Variants in ZNF735 observed in about 807,000 individuals in gnomAD.
ZNF735 encodes zinc finger protein 735.
A neutral mutation model predicts 13.4 loss-of-function variants in ZNF735; 11 were observed. The ratio of observed to expected loss-of-function variants is 0.82; its 90% CI spans 0.52 to 1.36. The LOEUF is 1.36. Ranked by LOEUF, ZNF735 falls within the 40% of genes most tolerant of loss-of-function variation. ZNF735 has a pLI of 0.00. For synonymous variants in ZNF735, 171 were observed against 162.6 expected (o/e 1.05, Z -0.39); for missense variants, 500 against 484.6 (o/e 1.03, Z -0.30).
intron 1 of ZNF735, among the ~76,000 whole-genome samples, chr7:64,211,890 AATAT>A (rs34863437): frequency 0.017 from 1,620 of 96,524 alleles, 12 homozygotes; most frequent in Non-Finnish European, 0.027. Flanking sequence ...AAAGAAAAAA[AATAT>A]ATATATATAT....
chr7:64,216,022 G>A (rs965231255), intron 3 of ZNF735, among the ~76,000 whole-genome samples: 6 of 152,090 alleles, frequency 3.9e-5, no homozygotes, highest in African/African-American at 1.2e-4. Flanking sequence ...TAGGTCAAGC[G>A]TGGTGGCTCA....
chr7:64,209,968 A>G (rs559136970), intron 1 of ZNF735, among the ~76,000 whole-genome samples: 2 of 152,078 alleles, frequency 1.3e-5, no homozygotes, highest in Non-Finnish European at 2.9e-5. Context: ...ATCATTTTGT[A>G]TGTTTTTTGT....
chr7:64,215,644 A>T (rs1189648177), intron 3 of ZNF735, among the ~76,000 whole-genome samples: 1 of 144,044 alleles, frequency 6.9e-6, no homozygotes, highest in African/African-American at 2.6e-5. Context: ...TTTTTTTCTA[A>T]GAGTTTCATT....
intron 1 of ZNF735, among the ~76,000 whole-genome samples, chr7:64,210,371 A>G (rs1289951926): frequency 5.3e-5 from 8 of 152,162 alleles, no homozygotes; most frequent in Non-Finnish European, 8.8e-5. Flanking sequence ...GGTGGGTGTA[A>G]GGGACTCTTT....
Position 64,214,510 on chromosome 7 carries a change from T to G in ZNF735, c.262+402T>G, listed in dbSNP as rs528924604. Among the ~76,000 whole-genome samples the G allele has an allele frequency of 6.6e-4, 100 of 152,310 alleles. 1 individual carries two copies. The highest frequency in any genetic ancestry group is 1.2e-3 in the Non-Finnish European group (80 of 68,026). On this transcript the variant is annotated intron_variant, in intron 3 of 3. Coordinates refer to ENST00000429565, the Ensembl canonical transcript of ZNF735. Reference sequence around the variant, plus strand: ...GCATCATGTCTAAAATGTGTGAGAATAGTAATTTCTGTTTCATTGGTGGTT... The same window carrying G: ...GCATCATGTCTAAAATGTGTGAGAAGAGTAATTTCTGTTTCATTGGTGGTT...
In ZNF735 at chr7:64,219,236, A is replaced by G. The variant is rs141241627; in HGVS notation, c.263-78A>G. ...CCATTTTGCTAATGTACCTTGAACA[A>G]TTTTATATATTTGATTTGTACAGTA... is the stretch of plus-strand genomic sequence containing the variant. On this transcript the variant is annotated intron_variant, in intron 3 of 3. Transcript: ENST00000429565. 395 of 1,523,056 alleles carry G rather than the reference A, an allele frequency of 2.6e-4. 2 individuals are homozygous for G. The African/African-American group carries it at 4.6e-3, about 18-fold the overall frequency. 94.3% of individuals were successfully genotyped at this position (1,523,056 alleles called of 1,614,324 possible).
At chr7:64,213,448 A>T (rs565898104) in intron 2 of ZNF735, among the ~76,000 whole-genome samples, 1 of 152,294 alleles carries the variant, frequency 6.6e-6, no homozygotes, top group South Asian at 2.1e-4. Flanking sequence ...AATTCCAAAA[A>T]TGTCATGGCA....
Position 64,213,077 on chromosome 7 carries a change from CTTT to C in ZNF735, c.40-6_40-4del. 2 of 1,204,052 alleles carry C rather than the reference CTTT, an allele frequency of 1.7e-6. No homozygotes were observed. The highest frequency in any genetic ancestry group is 2.3e-6 in the Non-Finnish European group (2 of 871,122). The allele number at this position is 1,204,052 out of a possible 1,614,324, so 74.6% of individuals were successfully genotyped here. A position where few individuals can be genotyped will look rare whatever the true frequency, so the allele number is the denominator to read the frequency against. ...GTAAGTGTGTGTTCATGAGGTTTTT[CTTT>C]TTTTTTTTCAGGGACTGTTGACATT... is the stretch of plus-strand genomic sequence containing the variant. On this transcript the variant is annotated splice_polypyrimidine_tract_variant and intron_variant, in intron 1 of 3. Transcript: ENST00000429565.
At chr7:64,213,958 C>CA (rs1787389824) in intron 2 of ZNF735, 55 bp from the exon 3 acceptor site, 1 of 1,449,652 alleles carries the variant, frequency 6.9e-7, no homozygotes, top group Non-Finnish European at 9.2e-7. Context: ...GACTCCATCT[C>CA]AAAAAATAAA....
chr7:64,215,271 T>C (rs1301766690), intron 3 of ZNF735, among the ~76,000 whole-genome samples: 2 of 152,100 alleles, frequency 1.3e-5, no homozygotes, highest in Non-Finnish European at 2.9e-5. Flanking sequence ...TTGGTCAGAC[T>C]GGTCTCGAAT....
intron 3 of ZNF735, among the ~76,000 whole-genome samples, chr7:64,217,216 C>G (rs1787432889): frequency 6.6e-6 from 1 of 152,180 alleles, no homozygotes; most frequent in Non-Finnish European, 1.5e-5. Context: ...CCTGGCTCCT[C>G]CACCTCACAC....
chr7:64,207,346 C>CT, intron 1 of ZNF735, 105 bp downstream of exon 1: 5 of 1,605,760 alleles, frequency 3.1e-6, no homozygotes, highest in Non-Finnish European at 4.3e-6. Flanking sequence ...GCTCCGGAGT[C>CT]TGAGGACCCA....
chr7:64,220,030 T>C (rs757069585), exon 4 of ZNF735: 1 of 1,612,840 alleles, frequency 6.2e-7, no homozygotes, highest in Non-Finnish European at 8.5e-7. Flanking sequence ...ACCCTACACA[T>C]GTGAAGAATG....
Position 64,215,836 on chromosome 7 carries a change from G to A in ZNF735, c.262+1728G>A, listed in dbSNP as rs572787780. On this transcript the variant is annotated intron_variant, in intron 3 of 3. Coordinates refer to ENST00000429565, the Ensembl canonical transcript of ZNF735. ...GCAGATTATTTGGTCATACACAGAA[G>A]AGTTCATTGCTGGGCTCCCTATTTT... Among the ~76,000 whole-genome samples the A allele has an allele frequency of 1.9e-4, 29 of 152,220 alleles. No individual in the cohort carries two copies. The South Asian group carries it at 4.1e-3, about 22-fold the overall frequency.
At chr7:64,220,010 C>T in exon 4 of ZNF735, 1 of 1,612,372 alleles carries the variant, frequency 6.2e-7, no homozygotes, top group Non-Finnish European at 8.5e-7. Context: ...AGAATTCATA[C>T]TGGAGAGAAA....
chr7:64,218,644 C>T (rs187366348), intron 3 of ZNF735, among the ~76,000 whole-genome samples: 20 of 151,800 alleles, frequency 1.3e-4, no homozygotes, highest in East Asian at 9.7e-4. Flanking sequence ...AGTTGCTTTT[C>T]GAAAATTTTG....
chr7:64,213,982 T>G, intron 2 of ZNF735, 31 bp from the exon 3 acceptor site: 1 of 1,542,268 alleles, frequency 6.5e-7, no homozygotes, highest in Middle Eastern at 2.0e-4. Flanking sequence ...ATAAATAAGA[T>G]TTAAGTTACT....
chr7:64,210,407 G>T (rs2116478446), intron 1 of ZNF735, among the ~76,000 whole-genome samples: 1 of 152,286 alleles, frequency 6.6e-6, no homozygotes, highest in Non-Finnish European at 1.5e-5. Flanking sequence ...TCTCGCTAAT[G>T]CTAATAATGT....
intron 3 of ZNF735, among the ~76,000 whole-genome samples, chr7:64,216,337 C>T (rs1192775027): frequency 6.6e-6 from 1 of 151,780 alleles, no homozygotes; most frequent in Non-Finnish European, 1.5e-5. Context: ...AATAAATATA[C>T]TTTTGGAATT....
Sources: allele counts gnomAD v4.1 joint callset (sites outside exome capture counted in the v4.1 genomes callset), GRCh38; gene constraint gnomAD v4.1.1; transcripts MANE v1.5; gene names NCBI Gene and HGNC (gene_info 2026-07-23, HGNC 2026-07-21).